Variants in NRG1 observed in about 807,000 individuals in gnomAD.
NRG1 encodes the protein neuregulin 1, also known as pro-neuregulin-1, membrane-bound isoform.
In NRG1, 18 loss-of-function variants were observed where a neutral mutation model predicts 63.8. The ratio of observed to expected loss-of-function variants is 0.28; its 90% CI spans 0.19 to 0.42. NRG1 has a LOEUF of 0.42. Ranked by LOEUF, NRG1 falls within the 10% of genes least tolerant of loss-of-function variation. NRG1 has a pLI of 1.00. For missense variants in NRG1, 762 were observed against 814.7 expected (o/e 0.94, Z 0.79); for synonymous variants, 302 against 301.3 (o/e 1.00, Z -0.02).
At chr8:32,498,232 G>T (rs1200554428) in intron 1 of NRG1, among the ~76,000 whole-genome samples, 1 of 152,088 alleles carries the variant, frequency 6.6e-6, no homozygotes, top group Non-Finnish European at 1.5e-5. Flanking sequence ...AAGGAAAGAG[G>T]GTTTGGGCAT....
intron 1 of NRG1, among the ~76,000 whole-genome samples, chr8:31,648,341 C>T (rs1333492403): frequency 7.9e-5 from 12 of 152,004 alleles, no homozygotes; most frequent in African/African-American, 2.7e-4. Flanking sequence ...ACCGTGTTAG[C>T]CAGGATGGTC....
chr8:31,710,166 T>A (rs1056186463), intron 1 of NRG1, among the ~76,000 whole-genome samples: 1 of 151,816 alleles, frequency 6.6e-6, no homozygotes, highest in Non-Finnish European at 1.5e-5. Context: ...GAGGGAATTG[T>A]TTTGGAGGGG....
chr8:32,771,703 C>A (rs1161381762), downstream of NRG1, among the ~76,000 whole-genome samples: 4 of 10,126 alleles, frequency 4.0e-4, no homozygotes, highest in Non-Finnish European at 1.0e-3. Flanking sequence ...TATTCCATTT[C>A]TTTAAAAAAA....
intron 1 of NRG1, among the ~76,000 whole-genome samples, chr8:31,835,388 G>C (rs1195809482): frequency 6.6e-6 from 1 of 152,146 alleles, no homozygotes; most frequent in Non-Finnish European, 1.5e-5. Flanking sequence ...TAGCTGGTTT[G>C]AGAACATGTA....
At chr8:32,682,877 A>G (rs1318493590) in intron 5 of NRG1, among the ~76,000 whole-genome samples, 1 of 152,148 alleles carries the variant, frequency 6.6e-6, no homozygotes, top group African/African-American at 2.4e-5. Flanking sequence ...TTTTACAAAT[A>G]TTTAAGAAAA....
At chr8:31,850,015 A>G in intron 1 of NRG1, among the ~76,000 whole-genome samples, 1 of 152,168 alleles carries the variant, frequency 6.6e-6, no homozygotes, top group Non-Finnish European at 1.5e-5. Context: ...CTTTCCCCAT[A>G]TGACTTTGTT....
intron 5 of NRG1, among the ~76,000 whole-genome samples, chr8:32,687,993 A>G (rs1341070654): frequency 6.6e-6 from 1 of 152,150 alleles, no homozygotes; most frequent in Non-Finnish European, 1.5e-5. Flanking sequence ...GGGGATTACA[A>G]TTCAACATGA....
chr8:31,970,730 G>C (rs1033132965), intron 1 of NRG1, among the ~76,000 whole-genome samples: 1 of 152,056 alleles, frequency 6.6e-6, no homozygotes, highest in African/African-American at 2.4e-5. Context: ...TAGGACTGCT[G>C]TACCCACAGT....
intron 1 of NRG1, among the ~76,000 whole-genome samples, chr8:31,740,390 G>T (rs1219563297): frequency 6.6e-6 from 1 of 152,016 alleles, no homozygotes; most frequent in Non-Finnish European, 1.5e-5. Context: ...CTTCAAGTAA[G>T]CCCTCAGTTG....
chr8:32,626,705 C>T (rs989024853), intron 5 of NRG1, among the ~76,000 whole-genome samples: 2 of 150,688 alleles, frequency 1.3e-5, no homozygotes, highest in Non-Finnish European at 1.5e-5. Context: ...AATAGAGAAG[C>T]CATTTGTGGT....
At chr8:32,548,083 G>A, upstream of NRG1, 1 of 440,076 alleles carries the variant, frequency 2.3e-6, no homozygotes, top group Non-Finnish European at 3.0e-6. Context: ...CGGCAGCCGC[G>A]CCGCCACCCC....
chr8:31,986,779 C>A (rs900870246), intron 1 of NRG1, among the ~76,000 whole-genome samples: 6 of 152,066 alleles, frequency 3.9e-5, no homozygotes, highest in African/African-American at 1.4e-4. Flanking sequence ...CAAATAGAAT[C>A]TCTCTTTCTT....
intron 1 of NRG1, among the ~76,000 whole-genome samples, chr8:32,133,091 GC>G (rs1255060284): frequency 6.6e-6 from 1 of 151,886 alleles, no homozygotes; most frequent in African/African-American, 2.4e-5. Context: ...GATTTCACAA[GC>G]TGGATTTTAT....
intron 1 of NRG1, among the ~76,000 whole-genome samples, chr8:31,825,839 G>A (rs759303983): frequency 2.0e-5 from 3 of 152,208 alleles, no homozygotes; most frequent in Non-Finnish European, 4.4e-5. Context: ...CCTATTGAGT[G>A]TCAGTCATTT....
intron 1 of NRG1, among the ~76,000 whole-genome samples, chr8:32,180,263 A>G (rs906051448): frequency 6.6e-6 from 1 of 152,128 alleles, no homozygotes; most frequent in Admixed American, 6.6e-5. Flanking sequence ...GATGCATTCT[A>G]TAACTGCACA....
At chr8:32,004,996 T>G (rs1813523705) in intron 1 of NRG1, among the ~76,000 whole-genome samples, 1 of 148,998 alleles carries the variant, frequency 6.7e-6, no homozygotes, top group African/African-American at 2.5e-5. Flanking sequence ...AGAAGAAAAT[T>G]TGGTATGACC....
chr8:32,229,766 G>A (rs1482586794), intron 1 of NRG1, among the ~76,000 whole-genome samples: 1 of 152,122 alleles, frequency 6.6e-6, no homozygotes, highest in Non-Finnish European at 1.5e-5. Flanking sequence ...GGAATATGTT[G>A]CCAAGACATT....
intron 1 of NRG1, among the ~76,000 whole-genome samples, chr8:31,956,573 G>A (rs556100438): frequency 6.6e-5 from 10 of 152,224 alleles, no homozygotes; most frequent in African/African-American, 1.4e-4. Context: ...GCAGTGAGCC[G>A]AGATCGTGCC....
chr8:32,547,845 G>C (rs959528156), upstream of NRG1, among the ~76,000 whole-genome samples: 3 of 152,196 alleles, frequency 2.0e-5, no homozygotes, highest in Middle Eastern at 3.2e-3. Flanking sequence ...CCCCTCCCAG[G>C]GTTCCTGACC....
Sources: allele counts gnomAD v4.1 joint callset (sites outside exome capture counted in the v4.1 genomes callset), GRCh38; gene constraint gnomAD v4.1.1; transcripts MANE v1.5; gene names NCBI Gene and HGNC (gene_info 2026-07-23, HGNC 2026-07-21).